Variants in RIPOR3 observed in about 807,000 individuals in gnomAD.
The protein encoded by RIPOR3 is family with sequence similarity 65 member C.
A neutral mutation model predicts 114.3 loss-of-function variants in RIPOR3; 95 were observed. The observed-to-expected ratio is 0.83, with a 90% CI of 0.70 to 0.99. The LOEUF is 0.99. RIPOR3 is among the 50% of genes least tolerant of loss of function. The pLI is 0.00. For missense variants in RIPOR3, 1,252 were observed against 1,266.9 expected (o/e 0.99, Z 0.18); for synonymous variants, 575 against 543.8 (o/e 1.06, Z -0.80).
At chr20:50,587,944 G>A (rs778465066) in intron 20 of RIPOR3, 52 bp from the exon 21 acceptor site, 1 of 1,566,034 alleles carries the variant, frequency 6.4e-7, no homozygotes, top group Middle Eastern at 1.7e-4. Context: ...CTCAACAGCA[G>A]GTAGAGTCCA....
intron 1 of RIPOR3, among the ~76,000 whole-genome samples, chr20:50,638,356 G>T (rs577128761): frequency 6.6e-6 from 1 of 152,236 alleles, no homozygotes; most frequent in Non-Finnish European, 1.5e-5. Flanking sequence ...CGGGAGTGAG[G>T]ACCGGGATCC....
chr20:50,602,553 C>T lies in RIPOR3; in HGVS notation c.1178G>A (p.Arg393Gln), dbSNP rs761811071. The T allele has an allele frequency of 1.0e-5, 16 of 1,546,184 alleles. No individual in the cohort carries two copies. The highest frequency in any genetic ancestry group is 2.0e-5 in the Admixed American group (1 of 49,570). Residue 393 changes from arginine to glutamine, a missense_variant, in exon 13 of 22, where the codon CGG becomes CAG. Transcript: ENST00000327979. This position sits in a 1 kb window ranked among gnomAD's most constrained non-coding sequence, Gnocchi z 4.3. ...ILSYLSDSDL[R>Q]GPSLRSQSQE... Reference sequence around the variant, plus strand: ...ACTCTGGCTTCTTAGGCTGGGACCCCGGAGGTCGCTGTCAGACAGGTAGCT... The same window carrying T: ...ACTCTGGCTTCTTAGGCTGGGACCCTGGAGGTCGCTGTCAGACAGGTAGCT...
intron 12 of RIPOR3, among the ~76,000 whole-genome samples, chr20:50,604,207 A>G (rs2083612262): frequency 6.6e-6 from 1 of 152,018 alleles, no homozygotes; most frequent in Admixed American, 6.6e-5. Flanking sequence ...ACAAAGAAAA[A>G]AAAAGGCGTA....
chr20:50,657,632 C>T (rs953155107), intron 1 of RIPOR3, among the ~76,000 whole-genome samples: 3 of 151,866 alleles, frequency 2.0e-5, no homozygotes, highest in African/African-American at 7.3e-5. Context: ...AAAATGACAT[C>T]TCATTCTTAA....
At chr20:50,647,856 G>T (rs1448821201) in intron 1 of RIPOR3, among the ~76,000 whole-genome samples, 1 of 152,006 alleles carries the variant, frequency 6.6e-6, no homozygotes, top group East Asian at 1.9e-4. Flanking sequence ...CTATACATTG[G>T]AAGCCACTGA....
At chr20:50,689,063 C>A (rs1362083641) in intron 1 of RIPOR3, among the ~76,000 whole-genome samples, 1 of 152,180 alleles carries the variant, frequency 6.6e-6, no homozygotes, top group African/African-American at 2.4e-5. Context: ...CAGGTGGTAC[C>A]ACAGGCCATC....
chr20:50,662,988 C>T (rs965122529), intron 1 of RIPOR3, among the ~76,000 whole-genome samples: 8 of 149,958 alleles, frequency 5.3e-5, no homozygotes. Flanking sequence ...CCCAGTTACT[C>T]GGGAGACTGA....
chr20:50,588,749 GAAAAAAAAA>G (rs869194473), intron 20 of RIPOR3, among the ~76,000 whole-genome samples: 9 of 58,460 alleles, frequency 1.5e-4, no homozygotes, highest in East Asian at 5.4e-4. Context: ...ATTCTCAAGT[GAAAAAAAAA>G]AAAAAAAAAA....
At chr20:50,681,237 A>G (rs940258389) in intron 1 of RIPOR3, among the ~76,000 whole-genome samples, 2 of 114,706 alleles carry the variant, frequency 1.7e-5, no homozygotes, top group African/African-American at 5.9e-5. Context: ...AAAAAAAAAA[A>G]AAAAAGAAAA....
rs2082934350 is a variant in RIPOR3, at chr20:50,586,740, G to A, written c.*492C>T. The A allele has an allele frequency of 6.4e-6, 1 of 155,566 alleles. No homozygotes were observed. Among genetic ancestry groups the A allele is most frequent in the Admixed American group, 6.2e-5 (1 of 16,060 alleles). 9.6% of individuals were successfully genotyped at this position (155,566 alleles called of 1,614,324 possible). A position where few individuals can be genotyped will look rare whatever the true frequency, so the allele number is the denominator to read the frequency against. ...ACCAAGGTGACACCTGGCTGCTGCTGAAATGGCCTGAGCAGTCTTGCATTA... is the reference window on the plus strand; with the variant it reads ...ACCAAGGTGACACCTGGCTGCTGCTAAAATGGCCTGAGCAGTCTTGCATTA... On this transcript the variant is annotated 3_prime_UTR_variant, in exon 22 of 22. Transcript: ENST00000327979.
At chr20:50,666,931 C>A (rs1029405036) in intron 1 of RIPOR3, among the ~76,000 whole-genome samples, 2 of 152,142 alleles carry the variant, frequency 1.3e-5, no homozygotes, top group Non-Finnish European at 2.9e-5. Flanking sequence ...AGCTATCTTA[C>A]GGTCTTATGT....
chr20:50,602,437 G>A lies in RIPOR3; in HGVS notation c.1294C>T (p.Leu432=), dbSNP rs1215477592. 2 of 1,593,648 alleles carry A rather than the reference G, an allele frequency of 1.3e-6. No individual in the cohort carries two copies. ...GCGTGGGGACCGAAGGTCAAGGGCA[G>A]GAAGCCCACATCTGAGGTGGACGCC... is the stretch of plus-strand genomic sequence containing the variant. ...TSASTSDVGF[L]PLTFGPHASI... is the part of the protein sequence containing the mutation. Residue 432 remains leucine, a synonymous_variant, in exon 13 of 22, where the codon CTG becomes TTG. Transcript: ENST00000327979. This position sits in a 1 kb window ranked among gnomAD's most constrained non-coding sequence, Gnocchi z 4.3.
intron 6 of RIPOR3, among the ~76,000 whole-genome samples, chr20:50,610,246 CCCTGCCTCA>C (rs1243975900): frequency 3.3e-5 from 5 of 151,750 alleles, no homozygotes; most frequent in Admixed American, 6.6e-5. Flanking sequence ...CTCCTGCCAC[CCCTGCCTCA>C]CCTGCTGCAT....
intron 1 of RIPOR3, among the ~76,000 whole-genome samples, chr20:50,668,123 AG>A (rs983217354): frequency 6.6e-6 from 1 of 152,108 alleles, no homozygotes; most frequent in Non-Finnish European, 1.5e-5. Context: ...CCTCAGTCTG[AG>A]GCTTGCTCTG....
At chr20:50,666,587 CGGCGTCTCACTCT>C (rs1568946061) in intron 1 of RIPOR3, among the ~76,000 whole-genome samples, 3 of 150,596 alleles carry the variant, frequency 2.0e-5, no homozygotes, top group African/African-American at 7.3e-5. Flanking sequence ...TTTTTTGAGA[CGGCGTCTCACTCT>C]GTTGCCTAGG....
At chr20:50,663,507 T>C (rs2086076138) in intron 1 of RIPOR3, among the ~76,000 whole-genome samples, 1 of 152,186 alleles carries the variant, frequency 6.6e-6, no homozygotes, top group African/African-American at 2.4e-5. Flanking sequence ...ATTCTGTGAA[T>C]ACTAATTAGG....
chr20:50,641,605 A>G (rs1265327497), intron 1 of RIPOR3, among the ~76,000 whole-genome samples: 1 of 152,188 alleles, frequency 6.6e-6, no homozygotes, highest in Admixed American at 6.5e-5. Flanking sequence ...GGGAAGTCAT[A>G]GCACGGCCCT....
At chr20:50,635,328 T>C (rs2084946390) in intron 1 of RIPOR3, among the ~76,000 whole-genome samples, 1 of 152,158 alleles carries the variant, frequency 6.6e-6, no homozygotes, top group South Asian at 2.1e-4. Flanking sequence ...ATGAGACAAG[T>C]ACTATTACTA....
chr20:50,598,956 A>C (rs1452526987), intron 13 of RIPOR3, among the ~76,000 whole-genome samples: 1 of 147,542 alleles, frequency 6.8e-6, no homozygotes, highest in Non-Finnish European at 1.5e-5. Flanking sequence ...CACAGCAAAA[A>C]AACTGAATCA....
Sources: gnomAD v4.1 joint callset for allele counts (sites outside exome capture counted in the v4.1 genomes callset) on GRCh38, gnomAD v4.1.1 for gene constraint, Gnocchi (gnomAD v3.1) non-coding constraint, MANE v1.5 for transcripts, NCBI Gene and HGNC (gene_info 2026-07-23, HGNC 2026-07-21) for gene names.